Variants in RARS2 observed in about 807,000 individuals in gnomAD.
RARS2 encodes the protein arginyl-tRNA synthetase 2, mitochondrial, also known as probable arginine--tRNA ligase, mitochondrial.
In RARS2, 67 loss-of-function variants were observed where a neutral mutation model predicts 88.5. The ratio of observed to expected loss-of-function variants is 0.76; its 90% CI spans 0.62 to 0.93. RARS2 has a LOEUF of 0.93. Among genes scored for constraint, RARS2 ranks in the 40% least tolerant of loss-of-function variants. The probability of loss-of-function intolerance (pLI) is 0.00; values close to 1 mark genes in which losing one functional copy is unlikely to be tolerated. For synonymous variants in RARS2, 239 were observed against 230.3 expected (o/e 1.04, Z -0.34); for missense variants, 664 against 684.2 (o/e 0.97, Z 0.33).
At chr6:87,539,038 AAATAAATAAATAAATAAATG>A (rs1161849850) in intron 8 of RARS2, among the ~76,000 whole-genome samples, 6 of 143,984 alleles carry the variant, frequency 4.2e-5, no homozygotes, top group African/African-American at 4.9e-5. Flanking sequence ...TGTCTCACAT[AAATAAATAAATAAATAAATG>A]AATAAATAAA....
Position 87,569,601 on chromosome 6 carries a change from A to C in RARS2, c.37-11T>G, listed in dbSNP as rs1282613567. 1 of 1,584,000 alleles carries C rather than the reference A, an allele frequency of 6.3e-7. No individual in the cohort carries two copies. Among genetic ancestry groups the C allele is most frequent in the East Asian group, 2.2e-5 (1 of 44,600 alleles). On this transcript the variant is annotated splice_polypyrimidine_tract_variant and intron_variant, in intron 1 of 19. Transcript: ENST00000369536. ...CAACACTCTGGAAAGCTAAAAATCA[A>C]AAAGAACAAAACAGTGTAAGATTGT... is the stretch of plus-strand genomic sequence containing the variant.
At chr6:87,583,630 G>A (rs1489242391) in intron 1 of RARS2, among the ~76,000 whole-genome samples, 1 of 151,042 alleles carries the variant, frequency 6.6e-6, no homozygotes, top group Non-Finnish European at 1.5e-5. Context: ...TAAGTTTAAT[G>A]AGCAAAATGA....
chr6:87,524,477 G>A (rs923894466), intron 11 of RARS2, 80 bp downstream of exon 11: 4 of 1,076,756 alleles, frequency 3.7e-6, no homozygotes, highest in African/African-American at 1.5e-5. Flanking sequence ...ATCCGATAAT[G>A]CATAATTAAT....
chr6:87,546,826 A>T (rs1782745025), intron 6 of RARS2, among the ~76,000 whole-genome samples: 2 of 152,204 alleles, frequency 1.3e-5, no homozygotes, highest in South Asian at 4.1e-4. Context: ...CTTCTTTTCC[A>T]GCTTCCCTAG....
chr6:87,541,832 G>T, intron 8 of RARS2, 86 bp downstream of exon 8: 2 of 1,098,466 alleles, frequency 1.8e-6, no homozygotes, highest in Non-Finnish European at 2.7e-6. Context: ...TCAAAATAAA[G>T]AAAAATAAAC....
At chr6:87,554,489 G>T (rs997145467) in intron 5 of RARS2, among the ~76,000 whole-genome samples, 5 of 152,068 alleles carry the variant, frequency 3.3e-5, no homozygotes, top group African/African-American at 1.2e-4. Context: ...ACAGGGTCTT[G>T]GTGTGTCTTA....
intron 1 of RARS2, among the ~76,000 whole-genome samples, chr6:87,586,071 T>G (rs1235556383): frequency 3.3e-5 from 5 of 152,184 alleles, no homozygotes; most frequent in Non-Finnish European, 7.3e-5. Flanking sequence ...GTGATATGAT[T>G]TGATTCACAA....
chr6:87,584,057 A>G (rs929870226), intron 1 of RARS2, among the ~76,000 whole-genome samples: 5 of 152,212 alleles, frequency 3.3e-5, no homozygotes, highest in Admixed American at 3.3e-4. Context: ...TCTTTCAAGG[A>G]TACAGATTTG....
intron 2 of RARS2, among the ~76,000 whole-genome samples, chr6:87,567,255 A>AAAAAC (rs1554212468): frequency 9.2e-5 from 14 of 151,710 alleles, no homozygotes; most frequent in African/African-American, 3.1e-4. Context: ...CCGCCTCAAA[A>AAAAAC]AAACAAAGAA....
At chr6:87,543,269 T>C (rs4254968) in intron 7 of RARS2, among the ~76,000 whole-genome samples, 128,400 of 151,926 alleles carry the variant, frequency 0.85, 54,815 homozygotes, top group African/African-American at 0.96. Context: ...CGCCATTGCA[T>C]TCCAGCCTGG....
Position 87,529,619 on chromosome 6 carries a change from T to C in RARS2, c.801A>G (p.Ser267=), listed in dbSNP as rs1361093660. 1.2e-6 allele frequency: 2 copies of C among 1,608,462 alleles called. No individual in the cohort carries two copies. Among genetic ancestry groups the C allele is most frequent in the East Asian group, 2.2e-5 (1 of 44,848 alleles). The change falls in exon 10 of 20, where the codon TCA becomes TCG. Residue 267 remains serine (S), a synonymous_variant. Coordinates refer to ENST00000369536, the MANE Select transcript of RARS2 (RefSeq NM_020320.5). The part of the protein sequence containing the change: ...KRLGVYFDEY[S]GESFYREKSQ... Reference sequence around the variant, plus strand: ...ATTTTTCACGATAAAATGATTCTCCTGAATATTCATCAAAATATACTCCCA... The same window carrying C: ...ATTTTTCACGATAAAATGATTCTCCCGAATATTCATCAAAATATACTCCCA...
chr6:87,585,004 G>A (rs1246219792), intron 1 of RARS2, among the ~76,000 whole-genome samples: 2 of 152,066 alleles, frequency 1.3e-5, no homozygotes, highest in Admixed American at 6.6e-5. Context: ...TAGAAATCCT[G>A]CCCTTAAGTA....
chr6:87,518,468 T>C, intron 16 of RARS2, 162 bp downstream of exon 16: 1 of 1,345,856 alleles, frequency 7.4e-7, no homozygotes, highest in Non-Finnish European at 1.0e-6. Context: ...ACATAGGTGC[T>C]CAATAAATTT....
chr6:87,579,715 GTTTTTTTTTTTTTTTTTTT>G (rs35014020), intron 1 of RARS2, among the ~76,000 whole-genome samples: 1 of 60,460 alleles, frequency 1.7e-5, no homozygotes, highest in Non-Finnish European at 2.9e-5. Context: ...CATAGAGCAT[GTTTTTTTTTTTTTTTTTTT>G]TTTTTTTTTT....
intron 11 of RARS2, among the ~76,000 whole-genome samples, chr6:87,523,432 T>C (rs1480537884): frequency 6.6e-6 from 1 of 152,166 alleles, no homozygotes; most frequent in African/African-American, 2.4e-5. Context: ...AAGAAACCCA[T>C]TAGAAGGCAG....
intron 19 of RARS2, 89 bp from the exon 20 acceptor site, chr6:87,514,588 AG>A: frequency 8.7e-7 from 1 of 1,146,076 alleles, no homozygotes; most frequent in Non-Finnish European, 1.3e-6. Flanking sequence ...TATTCTTTCT[AG>A]TTTAAAGCAG....
intron 7 of RARS2, among the ~76,000 whole-genome samples, chr6:87,544,789 C>CT (rs34856385): frequency 0.33 from 50,704 of 151,950 alleles, 8,560 homozygotes; most frequent in Admixed American, 0.41. Context: ...GCACTCCTCT[C>CT]TTTTTCTCTT....
chr6:87,545,485 G>GAAAA, intron 7 of RARS2, 131 bp downstream of exon 7: 4 of 980,012 alleles, frequency 4.1e-6, no homozygotes, highest in African/African-American at 3.5e-5. Context: ...AGCCATTAGG[G>GAAAA]AAAAAAAAAA....
chr6:87,529,238 G>C (rs775224088), intron 10 of RARS2, among the ~76,000 whole-genome samples: 5 of 152,148 alleles, frequency 3.3e-5, no homozygotes, highest in African/African-American at 1.2e-4. Flanking sequence ...AAGATAATAA[G>C]ATATATTTCC....
Sources: allele counts gnomAD v4.1 joint callset (sites outside exome capture counted in the v4.1 genomes callset), GRCh38; gene constraint gnomAD v4.1.1; transcripts MANE v1.5; gene names NCBI Gene and HGNC (gene_info 2026-07-23, HGNC 2026-07-21).